MAP2K1: variants seen among roughly 807,000 people sequenced by gnomAD.
MAP2K1 encodes the protein mitogen-activated protein kinase kinase 1.
Under a neutral mutation model 46.3 loss-of-function variants are expected in MAP2K1, and 16 were observed. That is an observed-to-expected ratio of 0.35 (90% confidence interval 0.23 to 0.52). The LOEUF is 0.52. Ranked by LOEUF, MAP2K1 falls within the 20% of genes least tolerant of loss-of-function variation. MAP2K1 has a pLI of 0.94. For missense variants in MAP2K1, 263 were observed against 497.1 expected, an observed-to-expected ratio of 0.53 and a Z score of 4.48; for synonymous variants, 183 against 185.6, an observed-to-expected ratio of 0.99 and a Z score of 0.11.
At chr15:66,395,063 A>G (rs1009881437) in intron 1 of MAP2K1, among the ~76,000 whole-genome samples, 1 of 152,254 alleles carries the variant, frequency 6.6e-6, no homozygotes, top group Non-Finnish European at 1.5e-5. Flanking sequence ...AAAGAAAGGA[A>G]GAAGATACTG....
At chr15:66,485,304 C>G (rs767857114) in intron 7 of MAP2K1, 113 bp downstream of exon 7, 1 of 1,061,772 alleles carries the variant, frequency 9.4e-7, no homozygotes, top group Admixed American at 2.5e-5. Context: ...GATTCTCTGT[C>G]CCTGGATGCC....
chr15:66,460,962 G>C (rs909358790), intron 5 of MAP2K1, among the ~76,000 whole-genome samples: 2 of 152,130 alleles, frequency 1.3e-5, no homozygotes, highest in Non-Finnish European at 2.9e-5. Flanking sequence ...AGGGCTGTAC[G>C]TGGAGAGCTG....
chr15:66,407,462 A>T (rs990969849), intron 1 of MAP2K1, among the ~76,000 whole-genome samples: 4 of 152,212 alleles, frequency 2.6e-5, no homozygotes, highest in Non-Finnish European at 5.9e-5. Flanking sequence ...TTTCCTGGTC[A>T]ACCTGTGAAG....
At chr15:66,444,378 A>G (rs1891805510) in intron 4 of MAP2K1, among the ~76,000 whole-genome samples, 1 of 151,584 alleles carries the variant, frequency 6.6e-6, no homozygotes, top group Non-Finnish European at 1.5e-5. Flanking sequence ...TACTAAAAAT[A>G]CAAAATTAGC....
intron 3 of MAP2K1, among the ~76,000 whole-genome samples, chr15:66,438,469 G>A (rs1024975120): frequency 1.3e-5 from 2 of 152,222 alleles, no homozygotes; most frequent in East Asian, 1.9e-4. Context: ...TGAGATGCTA[G>A]GTGGCATCCT....
At chr15:66,407,900 T>G (rs1183584289) in intron 1 of MAP2K1, among the ~76,000 whole-genome samples, 1 of 152,242 alleles carries the variant, frequency 6.6e-6, no homozygotes, top group African/African-American at 2.4e-5. Context: ...GTTGGCTATG[T>G]CACACAGTAT....
intron 5 of MAP2K1, among the ~76,000 whole-genome samples, chr15:66,470,183 C>T (rs1268689777): frequency 1.5e-5 from 2 of 130,568 alleles, no homozygotes; most frequent in East Asian, 4.8e-4. Context: ...CAAATTTGAT[C>T]AAGTTGCATA....
intron 1 of MAP2K1, among the ~76,000 whole-genome samples, chr15:66,390,010 G>T (rs964573211): frequency 6.6e-6 from 1 of 152,168 alleles, no homozygotes; most frequent in African/African-American, 2.4e-5. Context: ...AAAGCTGTTG[G>T]CTGCTGGTGC....
chr15:66,487,164 C>T lies in MAP2K1; in HGVS notation c.896-64C>T, dbSNP rs904490660. 18 of 1,410,648 alleles carry T rather than the reference C, an allele frequency of 1.3e-5. No individual in the cohort carries two copies. In the African/African-American group the frequency reaches 2.4e-4, roughly 19 times the overall value. The allele number at this position is 1,410,648 out of a possible 1,614,324, so 87.4% of individuals were successfully genotyped here. A position where few individuals can be genotyped will look rare whatever the true frequency, so the allele number is the denominator to read the frequency against. On this transcript the variant is annotated intron_variant, in intron 7 of 10. Coordinates refer to ENST00000307102, the MANE Select transcript of MAP2K1 (RefSeq NM_002755.4). ...GGTCCCAGGGATCCATGCCCAACCC[C>T]TTGCCTCATATTAACAAGTAATCTG...
chr15:66,396,048 C>T (rs1336233541), intron 1 of MAP2K1, among the ~76,000 whole-genome samples: 1 of 151,916 alleles, frequency 6.6e-6, no homozygotes, highest in Admixed American at 6.6e-5. Context: ...CACTCTGTCC[C>T]CAGACTGGAG....
intron 1 of MAP2K1, among the ~76,000 whole-genome samples, chr15:66,429,546 A>G (rs1031769339): frequency 4.6e-5 from 7 of 152,044 alleles, no homozygotes; most frequent in Non-Finnish European, 7.4e-5. Context: ...GATTTCCTAT[A>G]GGTAGTTGAA....
intron 1 of MAP2K1, among the ~76,000 whole-genome samples, chr15:66,419,055 C>G (rs1355962726): frequency 6.7e-6 from 1 of 149,918 alleles, no homozygotes; most frequent in Non-Finnish European, 1.5e-5. Flanking sequence ...CAACCTCTGC[C>G]TCCTGGGTTC....
rs145323010 is a variant in MAP2K1, at chr15:66,424,277, C to T, written c.81-10750C>T. 1.2e-3 allele frequency among the ~76,000 whole-genome samples: 185 copies of T among 150,682 alleles called. 1 individual carries two copies. The highest frequency in any genetic ancestry group is 4.2e-3 in the African/African-American group (172 of 40,920). ...TTCGCCATGTTGGCCAGGCTGATGT[C>T]GAACTCCTGACCTCAAGTGATCTGC... is the stretch of plus-strand genomic sequence containing the variant. On this transcript the variant is annotated intron_variant, in intron 1 of 10. Coordinates refer to ENST00000307102, the MANE Select transcript of MAP2K1 (RefSeq NM_002755.4).
At chr15:66,401,706 C>T (rs2093382074) in intron 1 of MAP2K1, among the ~76,000 whole-genome samples, 1 of 152,024 alleles carries the variant, frequency 6.6e-6, no homozygotes, top group East Asian at 1.9e-4. Flanking sequence ...GGAGCTTGGC[C>T]TGAGGAGGGA....
rs1200887184 is a variant in MAP2K1, at chr15:66,463,398, A to G, written c.569-18357A>G. Among the ~76,000 whole-genome samples, 101 of 152,170 alleles carry G rather than the reference A, an allele frequency of 6.6e-4. 1 individual carries two copies. Among genetic ancestry groups the G allele is most frequent in the Non-Finnish European group, 4.4e-5 (3 of 68,018 alleles). On this transcript the variant is annotated intron_variant, in intron 5 of 10. Coordinates refer to ENST00000307102, the MANE Select transcript of MAP2K1 (RefSeq NM_002755.4). ...TACTCTCAGTTAATTTAGAAAGTTTATTTTGCCTAGGTTGAGGATGCATGC... is the reference window on the plus strand; with the variant it reads ...TACTCTCAGTTAATTTAGAAAGTTTGTTTTGCCTAGGTTGAGGATGCATGC...
chr15:66,397,329 C>T (rs967181057), intron 1 of MAP2K1, among the ~76,000 whole-genome samples: 4 of 152,038 alleles, frequency 2.6e-5, no homozygotes, highest in Admixed American at 1.3e-4. Context: ...GGTGTGACCT[C>T]GGTCATATCA....
intron 3 of MAP2K1, among the ~76,000 whole-genome samples, chr15:66,438,686 A>G (rs776055087): frequency 6.6e-6 from 1 of 152,178 alleles, no homozygotes; most frequent in Non-Finnish European, 1.5e-5. Flanking sequence ...CTCTCTGGAA[A>G]TAGTGAGATG....
At position 66,455,555 on chromosome 15, in the gene MAP2K1, G is replaced by A. The variant is rs1595871558; in HGVS notation, c.568+10848G>A. Reference sequence around the variant, plus strand: ...TGTTTTCAGGTACCATTTAGTTACTGTTTTTCCACCTAGGTGGTAGCCTCT... The same window carrying A: ...TGTTTTCAGGTACCATTTAGTTACTATTTTTCCACCTAGGTGGTAGCCTCT... On this transcript the variant is annotated intron_variant, in intron 5 of 10. Coordinates refer to ENST00000307102, the MANE Select transcript of MAP2K1 (RefSeq NM_002755.4). Among the ~76,000 whole-genome samples, 3 of 152,136 alleles carry A rather than the reference G, an allele frequency of 2.0e-5. No homozygotes were observed. The South Asian group carries it at 6.2e-4, about 32-fold the overall frequency.
At chr15:66,474,189 AACTT>A (rs1892704331) in intron 5 of MAP2K1, among the ~76,000 whole-genome samples, 1 of 152,124 alleles carries the variant, frequency 6.6e-6, no homozygotes, top group South Asian at 2.1e-4. Flanking sequence ...GAAGAAAAGA[AACTT>A]AAAATGCAGT....
Sources: gnomAD v4.1 joint callset for allele counts (sites outside exome capture counted in the v4.1 genomes callset) on GRCh38, gnomAD v4.1.1 for gene constraint, MANE v1.5 for transcripts, NCBI Gene and HGNC (gene_info 2026-07-23, HGNC 2026-07-21) for gene names.